The following MARCHF11 variants were observed in gnomAD, a reference collection of about 807,000 sequenced individuals.
MARCHF11 encodes the protein E3 ubiquitin-protein ligase MARCHF11.
Under a neutral mutation model 37.3 loss-of-function variants are expected in MARCHF11, and 29 were observed. That is an observed-to-expected ratio of 0.78 (90% confidence interval 0.58 to 1.06). MARCHF11 has a LOEUF of 1.06. Ranked by LOEUF, MARCHF11 falls within the 50% of genes least tolerant of loss-of-function variation. MARCHF11 has a pLI of 0.00. For missense variants in MARCHF11, 482 were observed against 533.4 expected, an observed-to-expected ratio of 0.90 and a Z score of 0.95; for synonymous variants, 233 against 228.0, an observed-to-expected ratio of 1.02 and a Z score of -0.20.
At chr5:16,141,904 T>C (rs2126592193) in intron 2 of MARCHF11, among the ~76,000 whole-genome samples, 1 of 152,310 alleles carries the variant, frequency 6.6e-6, no homozygotes, top group Non-Finnish European at 1.5e-5. Context: ...CCTCAAGGCC[T>C]TTAACCATCA....
chr5:16,157,458 G>A (rs970726921), intron 2 of MARCHF11, among the ~76,000 whole-genome samples: 2 of 151,956 alleles, frequency 1.3e-5, no homozygotes, highest in Non-Finnish European at 2.9e-5. Context: ...CAAAGCTACA[G>A]AAATCAAAAC....
chr5:16,068,264 C>A (rs1736381612), intron 3 of MARCHF11, among the ~76,000 whole-genome samples: 1 of 152,164 alleles, frequency 6.6e-6, no homozygotes, highest in South Asian at 2.1e-4. Flanking sequence ...TAAAACAATG[C>A]CTGACGCACA....
At chr5:16,095,812 C>T (rs1386382383) in intron 2 of MARCHF11, among the ~76,000 whole-genome samples, 2 of 152,144 alleles carry the variant, frequency 1.3e-5, no homozygotes, top group African/African-American at 4.8e-5. Context: ...TGTCCGTCCC[C>T]ATTGTCCCTG....
At chr5:16,068,844 T>A (rs1457763321) in intron 3 of MARCHF11, among the ~76,000 whole-genome samples, 1 of 152,132 alleles carries the variant, frequency 6.6e-6, no homozygotes, top group Non-Finnish European at 1.5e-5. Context: ...TCCACTGAAG[T>A]TGGTAGAGAG....
chr5:16,093,182 T>A (rs1736813346), intron 2 of MARCHF11, among the ~76,000 whole-genome samples: 1 of 152,114 alleles, frequency 6.6e-6, no homozygotes, highest in African/African-American at 2.4e-5. Context: ...GGCCGCATGT[T>A]CGAAATGTGT....
At chr5:16,142,481 T>C (rs889366548) in intron 2 of MARCHF11, among the ~76,000 whole-genome samples, 1 of 152,044 alleles carries the variant, frequency 6.6e-6, no homozygotes, top group Non-Finnish European at 1.5e-5. Context: ...GCAAAATATA[T>C]TCTAGAGCAC....
chr5:16,144,828 G>A (rs1372010998), intron 2 of MARCHF11, among the ~76,000 whole-genome samples: 1 of 152,186 alleles, frequency 6.6e-6, no homozygotes, highest in African/African-American at 2.4e-5. Flanking sequence ...AAATTAAGTA[G>A]GAACGTGGGG....
Position 16,145,672 on chromosome 5 carries a change from T to C in MARCHF11, c.693+32054A>G, listed in dbSNP as rs1039006636. ...TTGAAAAGACCAGTCTCAATAATGA[T>C]AGAAGTGGATTCTGGAAAAATATAA... On this transcript the variant is annotated intron_variant, in intron 2 of 3. Coordinates refer to ENST00000332432, the MANE Select transcript of MARCHF11 (RefSeq NM_001102562.3). Among the ~76,000 whole-genome samples, 8 of 152,116 alleles carry C rather than the reference T, an allele frequency of 5.3e-5. 2 individuals are homozygous for C. Among genetic ancestry groups the C allele is most frequent in the Admixed American group, 3.3e-4 (5 of 15,242 alleles).
At chr5:16,117,089 A>C (rs1402670997) in intron 2 of MARCHF11, among the ~76,000 whole-genome samples, 1 of 152,180 alleles carries the variant, frequency 6.6e-6, no homozygotes, top group African/African-American at 2.4e-5. Context: ...CTGCAGTAGT[A>C]ACTGCAGCAG....
At chr5:16,112,664 G>A (rs968054536) in intron 2 of MARCHF11, among the ~76,000 whole-genome samples, 3 of 152,188 alleles carry the variant, frequency 2.0e-5, no homozygotes, top group Non-Finnish European at 4.4e-5. Context: ...TTGGGGGACT[G>A]TTGGGAAGGC....
At chr5:16,134,074 T>C (rs1737566446) in intron 2 of MARCHF11, among the ~76,000 whole-genome samples, 3 of 152,174 alleles carry the variant, frequency 2.0e-5, no homozygotes, top group Admixed American at 2.0e-4. Context: ...GTTAAAGCAA[T>C]GGAGTGTCAT....
At chr5:16,142,689 C>CTTTTT (rs11369577) in intron 2 of MARCHF11, among the ~76,000 whole-genome samples, 1 of 110,332 alleles carries the variant, frequency 9.1e-6, no homozygotes, top group Non-Finnish European at 1.7e-5. Context: ...TATATTTTAT[C>CTTTTT]TTTTTTTTTT....
chr5:16,104,417 T>C (rs920688419), intron 2 of MARCHF11, among the ~76,000 whole-genome samples: 1 of 152,134 alleles, frequency 6.6e-6, no homozygotes, highest in African/African-American at 2.4e-5. Context: ...AGTCTATAAA[T>C]TTACTAAAAA....
chr5:16,112,756 A>C (rs1737168045), intron 2 of MARCHF11, among the ~76,000 whole-genome samples: 1 of 152,042 alleles, frequency 6.6e-6, no homozygotes, highest in Non-Finnish European at 1.5e-5. Flanking sequence ...GTCCCTACCT[A>C]AATCTCATCT....
At chr5:16,103,156 C>T (rs1328889631) in intron 2 of MARCHF11, among the ~76,000 whole-genome samples, 1 of 149,300 alleles carries the variant, frequency 6.7e-6, no homozygotes, top group Admixed American at 6.7e-5. Flanking sequence ...AATCACAATA[C>T]AGCTTGGTAT....
intron 2 of MARCHF11, among the ~76,000 whole-genome samples, chr5:16,102,698 T>G (rs887534073): frequency 4.6e-5 from 7 of 152,202 alleles, no homozygotes; most frequent in Admixed American, 1.3e-4. Context: ...ATTTCAAGTC[T>G]GTGTGACCTC....
At chr5:16,167,179 T>TGC (rs891094353) in intron 2 of MARCHF11, among the ~76,000 whole-genome samples, 2 of 151,680 alleles carry the variant, frequency 1.3e-5, no homozygotes, top group Non-Finnish European at 2.9e-5. Flanking sequence ...TGTGTGTGTG[T>TGC]GTGTAAGAGA....
At chr5:16,140,882 T>A (rs146317177) in intron 2 of MARCHF11, 1 of 152,366 alleles carries the variant, frequency 6.6e-6, no homozygotes, top group Non-Finnish European at 1.5e-5. Context: ...TCAGAATTCT[T>A]AATAAAATAG....
intron 2 of MARCHF11, among the ~76,000 whole-genome samples, chr5:16,144,708 G>C (rs1470003593): frequency 6.6e-6 from 1 of 152,192 alleles, no homozygotes; most frequent in African/African-American, 2.4e-5. Flanking sequence ...TTAGCCAAGT[G>C]AGGAAGTCAT....
Sources: allele counts gnomAD v4.1 joint callset (sites outside exome capture counted in the v4.1 genomes callset), GRCh38; gene constraint gnomAD v4.1.1; transcripts MANE v1.5; gene names NCBI Gene and HGNC (gene_info 2026-07-23, HGNC 2026-07-21).